Variants in DCC observed in about 807,000 individuals in gnomAD.
The protein encoded by DCC is netrin receptor DCC.
DCC carries 58 observed loss-of-function variants against 172.5 expected under a neutral mutation model. That is an observed-to-expected ratio of 0.34 (90% confidence interval 0.27 to 0.42). DCC has a LOEUF of 0.42. DCC is among the 10% of genes least tolerant of loss of function. The probability of loss-of-function intolerance (pLI) is 1.00; values close to 1 mark genes in which losing one functional copy is unlikely to be tolerated. For synonymous variants in DCC, 709 were observed against 644.5 expected (o/e 1.10, Z -1.52); for missense variants, 1,740 against 1,791.0 (o/e 0.97, Z 0.51).
rs528484592 is a variant in DCC, at chr18:53,094,054, G to A, written c.1261+27888G>A. The stretch of plus-strand genomic sequence containing the variant: ...TTATAAATGAGAAATGTTTAAAATC[G>A]GAATTTTAAGATGATACCAATCAGT... On this transcript the variant is annotated intron_variant, in intron 7 of 28. Coordinates refer to ENST00000442544, the MANE Select transcript of DCC (RefSeq NM_005215.4). 7.2e-5 allele frequency among the ~76,000 whole-genome samples: 11 copies of A among 152,162 alleles called. No individual in the cohort carries two copies. In the East Asian group the frequency reaches 1.2e-3, roughly 16 times the overall value.
At chr18:52,753,936 A>G (rs1295243035) in intron 2 of DCC, 1 of 152,154 alleles carries the variant, frequency 6.6e-6, no homozygotes, top group African/African-American at 2.4e-5. Context: ...AAAGCAAGGC[A>G]AGCAGATTGA....
intron 22 of DCC, among the ~76,000 whole-genome samples, chr18:53,448,522 A>G (rs1414431905): frequency 3.3e-5 from 5 of 152,184 alleles, no homozygotes; most frequent in Non-Finnish European, 7.3e-5. Flanking sequence ...TATGGGAACT[A>G]CAATTCAAGA....
At chr18:53,525,784 T>C (rs947740335) in intron 27 of DCC, among the ~76,000 whole-genome samples, 2 of 152,116 alleles carry the variant, frequency 1.3e-5, no homozygotes, top group Non-Finnish European at 2.9e-5. Context: ...CTCTAATACC[T>C]TTTCTGCTGA....
chr18:53,354,472 G>A (rs1328976511), intron 15 of DCC, among the ~76,000 whole-genome samples: 15 of 152,186 alleles, frequency 9.9e-5, no homozygotes, highest in Admixed American at 8.5e-4. Flanking sequence ...GTGTGAGATG[G>A]TATCTCATTG....
At chr18:53,382,648 A>C (rs1196106718) in intron 15 of DCC, among the ~76,000 whole-genome samples, 3 of 152,080 alleles carry the variant, frequency 2.0e-5, no homozygotes, top group African/African-American at 7.2e-5. Context: ...ATCTTCTCCA[A>C]GTACTTGGAT....
At chr18:52,576,829 C>A (rs868524274) in intron 1 of DCC, among the ~76,000 whole-genome samples, 245 of 126,890 alleles carry the variant, frequency 1.9e-3, no homozygotes, top group Middle Eastern at 4.3e-3. Context: ...GCCTCCATCT[C>A]AAAAAAAAAA....
intron 2 of DCC, among the ~76,000 whole-genome samples, chr18:52,827,822 T>C (rs1239585385): frequency 6.6e-6 from 1 of 152,220 alleles, no homozygotes; most frequent in African/African-American, 2.4e-5. Context: ...CCCTGAGGTT[T>C]CTCAAGTGAG....
chr18:53,448,280 G>A (rs1568138202), intron 22 of DCC, among the ~76,000 whole-genome samples: 2 of 152,112 alleles, frequency 1.3e-5, no homozygotes, highest in South Asian at 2.1e-4. Flanking sequence ...ACAGTTCAGC[G>A]TGGCTTGGGA....
At chr18:52,775,518 C>T (rs9954387) in intron 2 of DCC, among the ~76,000 whole-genome samples, 13,307 of 152,234 alleles carry the variant, frequency 0.087, 671 homozygotes, top group South Asian at 0.19. Flanking sequence ...GGAAGTAGCT[C>T]TCAGCCAATG....
At chr18:53,222,383 C>CTTT (rs67373546) in intron 12 of DCC, among the ~76,000 whole-genome samples, 28 of 104,176 alleles carry the variant, frequency 2.7e-4, no homozygotes, top group African/African-American at 7.9e-4. Context: ...TTTCTTTTTT[C>CTTT]TTTTTTTTTT....
chr18:53,381,629 G>A (rs1306306338), intron 15 of DCC, among the ~76,000 whole-genome samples: 4 of 130,552 alleles, frequency 3.1e-5, no homozygotes, highest in Non-Finnish European at 4.6e-5. Flanking sequence ...AAAGGTTGAC[G>A]GCTTGACTAT....
intron 1 of DCC, among the ~76,000 whole-genome samples, chr18:52,412,991 TA>T (rs1328811220): frequency 6.6e-6 from 1 of 152,114 alleles, no homozygotes; most frequent in African/African-American, 2.4e-5. Context: ...TTCAATCGAT[TA>T]AGCTTACTTT....
chr18:52,493,680 T>G (rs2030616118), intron 1 of DCC, among the ~76,000 whole-genome samples: 1 of 152,038 alleles, frequency 6.6e-6, no homozygotes, highest in African/African-American at 2.4e-5. Context: ...TAACTTCGAG[T>G]TTTCTCCCTA....
intron 2 of DCC, among the ~76,000 whole-genome samples, chr18:52,891,643 T>C (rs915150779): frequency 6.6e-6 from 1 of 152,144 alleles, no homozygotes; most frequent in African/African-American, 2.4e-5. Flanking sequence ...TGCATTTTTA[T>C]ACCTACATAA....
intron 1 of DCC, among the ~76,000 whole-genome samples, chr18:52,425,504 A>G (rs1463496825): frequency 1.3e-5 from 2 of 152,128 alleles, no homozygotes; most frequent in Non-Finnish European, 1.5e-5. Flanking sequence ...ATGTGCTATC[A>G]GCACGTTCTA....
chr18:53,428,338 T>TATATC (rs1911214694), intron 21 of DCC, among the ~76,000 whole-genome samples: 1 of 60,674 alleles, frequency 1.6e-5, no homozygotes, highest in Non-Finnish European at 3.3e-5. Flanking sequence ...TAATATATTG[T>TATATC]ATATAATATA....
At chr18:52,489,556 G>A (rs1467300370) in intron 1 of DCC, among the ~76,000 whole-genome samples, 1 of 152,086 alleles carries the variant, frequency 6.6e-6, no homozygotes, top group African/African-American at 2.4e-5. Flanking sequence ...GTAGCCGGTG[G>A]CTTGGAGAGG....
intron 1 of DCC, among the ~76,000 whole-genome samples, chr18:52,684,201 G>A (rs1386811203): frequency 1.3e-5 from 2 of 152,012 alleles, no homozygotes; most frequent in East Asian, 3.9e-4. Context: ...GTTATATTCT[G>A]TGGATATCTG....
intron 12 of DCC, among the ~76,000 whole-genome samples, chr18:53,266,540 C>T (rs1372763410): frequency 6.6e-6 from 1 of 152,006 alleles, no homozygotes; most frequent in African/African-American, 2.4e-5. Context: ...TTTTTTAAAA[C>T]AGCGTTGTTG....
Sources: gnomAD v4.1 joint callset for allele counts (sites outside exome capture counted in the v4.1 genomes callset) on GRCh38, gnomAD v4.1.1 for gene constraint, MANE v1.5 for transcripts, NCBI Gene and HGNC (gene_info 2026-07-23, HGNC 2026-07-21) for gene names.